Variants in FGF14 observed in about 807,000 individuals in gnomAD.
FGF14 encodes the protein fibroblast growth factor 14, also known as fibroblast growth factor homologous factor 4.
A neutral mutation model predicts 25.5 loss-of-function variants in FGF14; 5 were observed. That is an observed-to-expected ratio of 0.20 (90% CI 0.10 to 0.41). The LOEUF is 0.41. FGF14 is among the 10% of genes least tolerant of loss of function. The pLI is 1.00. For synonymous variants in FGF14, 138 were observed against 118.3 expected (o/e 1.17, Z -1.08); for missense variants, 222 against 320.1 (o/e 0.69, Z 2.34).
chr13:101,987,441 G>C (rs2038649180), intron 1 of FGF14, among the ~76,000 whole-genome samples: 1 of 152,000 alleles, frequency 6.6e-6, no homozygotes, highest in Admixed American at 6.6e-5. Context: ...CCTTATCTGA[G>C]AGGCTATTCC....
intron 1 of FGF14, among the ~76,000 whole-genome samples, chr13:101,954,297 T>G: frequency 7.3e-6 from 1 of 137,730 alleles, no homozygotes. Context: ...GCATCAACAA[T>G]GTATGAGGCA....
intron 1 of FGF14, among the ~76,000 whole-genome samples, chr13:102,280,701 T>C (rs1444471519): frequency 6.6e-6 from 1 of 152,150 alleles, no homozygotes; most frequent in East Asian, 1.9e-4. Context: ...TTTGTTTTAT[T>C]TTGGAGTATG....
chr13:101,736,001 G>A (rs530987805), intron 3 of FGF14, among the ~76,000 whole-genome samples: 2 of 152,234 alleles, frequency 1.3e-5, no homozygotes, highest in East Asian at 3.9e-4. Flanking sequence ...TGTCAACAGA[G>A]AACAAATATA....
At chr13:102,129,433 C>A (rs1009998730) in intron 1 of FGF14, among the ~76,000 whole-genome samples, 5 of 152,070 alleles carry the variant, frequency 3.3e-5, no homozygotes, top group African/African-American at 1.2e-4. Flanking sequence ...AGCGTTGAAC[C>A]TGGCATCAAT....
intron 1 of FGF14, among the ~76,000 whole-genome samples, chr13:101,984,575 C>A (rs1307841904): frequency 2.6e-5 from 4 of 152,056 alleles, no homozygotes; most frequent in Non-Finnish European, 5.9e-5. Context: ...GGGATATGTT[C>A]AATTCTACAT....
chr13:102,091,488 G>A (rs2044163032), intron 1 of FGF14, among the ~76,000 whole-genome samples: 1 of 152,110 alleles, frequency 6.6e-6, no homozygotes, highest in African/African-American at 2.4e-5. Flanking sequence ...GCCTCCTTGT[G>A]GCAGCAGCTG....
intron 1 of FGF14, among the ~76,000 whole-genome samples, chr13:102,277,815 G>T (rs779040160): frequency 1.2e-4 from 18 of 152,194 alleles, no homozygotes; most frequent in Non-Finnish European, 2.4e-4. Flanking sequence ...TGCATTCACT[G>T]AGTTCTTAGC....
intron 1 of FGF14, among the ~76,000 whole-genome samples, chr13:102,351,435 C>G (rs1331939574): frequency 6.6e-6 from 1 of 152,146 alleles, no homozygotes; most frequent in Non-Finnish European, 1.5e-5. Flanking sequence ...CATTGGAAAT[C>G]TTCAGAGAGT....
intron 1 of FGF14, among the ~76,000 whole-genome samples, chr13:102,198,899 T>C (rs558764665): frequency 1.7e-4 from 26 of 152,298 alleles, no homozygotes; most frequent in Non-Finnish European, 3.4e-4. Flanking sequence ...CTGGAACAAA[T>C]GGAAAGTGCT....
chr13:101,948,998 T>C (rs747681785), intron 1 of FGF14, among the ~76,000 whole-genome samples: 60 of 152,182 alleles, frequency 3.9e-4, no homozygotes, highest in Non-Finnish European at 6.5e-4. Context: ...GGAGAAAATA[T>C]TGATTTCCTA....
chr13:102,010,839 A>G (rs974912732), intron 1 of FGF14, among the ~76,000 whole-genome samples: 11 of 152,334 alleles, frequency 7.2e-5, no homozygotes, highest in Admixed American at 2.0e-4. Flanking sequence ...TGTCAGAGTG[A>G]CAGCCACTTG....
chr13:102,143,116 A>G (rs2046712717), intron 1 of FGF14, among the ~76,000 whole-genome samples: 1 of 152,094 alleles, frequency 6.6e-6, no homozygotes, highest in Non-Finnish European at 1.5e-5. Flanking sequence ...ACAGATACCC[A>G]CTTATCCTCC....
chr13:101,864,325 C>T (rs1014290248), intron 3 of FGF14, among the ~76,000 whole-genome samples: 3 of 152,078 alleles, frequency 2.0e-5, no homozygotes, highest in African/African-American at 7.2e-5. Context: ...CTGAGTAGTC[C>T]ATTTACTGAT....
intron 1 of FGF14, among the ~76,000 whole-genome samples, chr13:102,140,549 T>C (rs1026794452): frequency 6.6e-6 from 1 of 152,158 alleles, no homozygotes; most frequent in Non-Finnish European, 1.5e-5. Flanking sequence ...GGAAGTCCAG[T>C]GTGCATGTGA....
At chr13:101,871,743 A>C (rs2045101131) in intron 2 of FGF14, among the ~76,000 whole-genome samples, 1 of 152,090 alleles carries the variant, frequency 6.6e-6, no homozygotes. Flanking sequence ...GGGGATGCTG[A>C]CATTTAGAAG....
At chr13:102,176,734 A>C (rs893584397) in intron 1 of FGF14, among the ~76,000 whole-genome samples, 3 of 152,174 alleles carry the variant, frequency 2.0e-5, no homozygotes, top group Non-Finnish European at 4.4e-5. Context: ...AAAAACACAA[A>C]GAAAAAACAA....
At chr13:102,131,187 C>G (rs1222269806) in intron 1 of FGF14, among the ~76,000 whole-genome samples, 1 of 152,144 alleles carries the variant, frequency 6.6e-6, no homozygotes, top group Non-Finnish European at 1.5e-5. Context: ...AAGGCTAAAC[C>G]TCTGAAAGTG....
chr13:102,304,862 C>A (rs568857788), intron 1 of FGF14, among the ~76,000 whole-genome samples: 191 of 152,268 alleles, frequency 1.3e-3, no homozygotes, highest in African/African-American at 4.3e-3. Context: ...AGCCAGCACT[C>A]TAACCACAAC....
At chr13:101,833,193 A>G (rs956995147) in intron 3 of FGF14, among the ~76,000 whole-genome samples, 18 of 152,058 alleles carry the variant, frequency 1.2e-4, no homozygotes, top group African/African-American at 4.3e-4. Flanking sequence ...CAGGTATGGC[A>G]TTAAGAGCTT....
Sources: gnomAD v4.1 joint callset for allele counts (sites outside exome capture counted in the v4.1 genomes callset) on GRCh38, gnomAD v4.1.1 for gene constraint, MANE v1.5 for transcripts, NCBI Gene and HGNC (gene_info 2026-07-23, HGNC 2026-07-21) for gene names.